TMOD2: variants seen among roughly 807,000 people sequenced by gnomAD.
TMOD2 encodes tropomodulin 2, also known as tropomodulin-2.
Under a neutral mutation model 39.9 loss-of-function variants are expected in TMOD2, and 22 were observed. That is an observed-to-expected ratio of 0.55 (90% CI 0.39 to 0.79). TMOD2 has a LOEUF of 0.79. Ranked by LOEUF, TMOD2 falls within the 30% of genes least tolerant of loss-of-function variation. The pLI, the probability that TMOD2 is intolerant of heterozygous loss-of-function variation, is 0.00. For missense variants in TMOD2, 386 were observed against 413.3 expected, an observed-to-expected ratio of 0.93 and a Z score of 0.57; for synonymous variants, 123 against 146.1, an observed-to-expected ratio of 0.84 and a Z score of 1.14.
At chr15:51,794,917 T>C (rs1305853386) in intron 7 of TMOD2, among the ~76,000 whole-genome samples, 2 of 152,224 alleles carry the variant, frequency 1.3e-5, no homozygotes, top group African/African-American at 4.8e-5. Flanking sequence ...TGTTTGTATA[T>C]AGATTGATTC....
At chr15:51,760,571 G>A (rs1308628904) in intron 1 of TMOD2, among the ~76,000 whole-genome samples, 1 of 152,222 alleles carries the variant, frequency 6.6e-6, no homozygotes, top group Non-Finnish European at 1.5e-5. Flanking sequence ...TTGGGAGGCC[G>A]AAGTGAGTGG....
At chr15:51,753,768 A>AAAAAGG (rs2055723447) in intron 1 of TMOD2, among the ~76,000 whole-genome samples, 1 of 152,104 alleles carries the variant, frequency 6.6e-6, no homozygotes, top group South Asian at 2.1e-4. Flanking sequence ...GAAAAAAAAA[A>AAAAAGG]AAAAGGATAG....
chr15:51,770,213 T>C (rs946313141), intron 3 of TMOD2, among the ~76,000 whole-genome samples: 5 of 152,114 alleles, frequency 3.3e-5, no homozygotes, highest in Non-Finnish European at 7.4e-5. Context: ...GTTCTTTTCC[T>C]CTCTCAGGCT....
chr15:51,792,387 A>G (rs913330725), intron 7 of TMOD2, among the ~76,000 whole-genome samples: 7 of 152,226 alleles, frequency 4.6e-5, no homozygotes, highest in African/African-American at 1.7e-4. Flanking sequence ...GGTTGTGGAA[A>G]AATAGGAATG....
Position 51,766,432 on chromosome 15 carries a change from A to C in TMOD2, c.-10A>C, listed in dbSNP as rs762594517. On this transcript the variant is annotated 5_prime_UTR_variant, in exon 2 of 10. Transcript: ENST00000249700. ...TGTGCATGGCCCATGAGAAAGGCTT[A>C]TAAGAAGCCATGGCACTCCCCTTTC... The C allele has an allele frequency of 1.2e-6, 2 of 1,613,398 alleles. No homozygotes were observed. Among genetic ancestry groups the C allele is most frequent in the Non-Finnish European group, 1.7e-6 (2 of 1,179,676 alleles).
At chr15:51,804,888 T>G (rs1478796367) in intron 8 of TMOD2, among the ~76,000 whole-genome samples, 4 of 151,736 alleles carry the variant, frequency 2.6e-5, no homozygotes, top group Non-Finnish European at 5.9e-5. Context: ...TTTTAAAATG[T>G]GATGACTGTG....
chr15:51,775,775 G>A (rs1771578014), intron 4 of TMOD2, among the ~76,000 whole-genome samples: 1 of 151,674 alleles, frequency 6.6e-6, no homozygotes, highest in Non-Finnish European at 1.5e-5. Context: ...ACGGGGCTTC[G>A]CCATGTTGGC....
intron 1 of TMOD2, among the ~76,000 whole-genome samples, chr15:51,764,666 G>A (rs1396562538): frequency 6.6e-6 from 1 of 152,214 alleles, no homozygotes; most frequent in Non-Finnish European, 1.5e-5. Context: ...CTCGTCTTTA[G>A]TTCTTTCCTC....
chr15:51,798,732 T>C (rs1043319193), intron 8 of TMOD2, among the ~76,000 whole-genome samples: 13 of 152,362 alleles, frequency 8.5e-5, no homozygotes, highest in Non-Finnish European at 1.8e-4. Flanking sequence ...GGACTGTTGC[T>C]AACAGAGAAA....
intron 1 of TMOD2, among the ~76,000 whole-genome samples, chr15:51,763,106 T>A (rs34098740): frequency 0.41 from 61,498 of 150,094 alleles, 12,540 homozygotes; most frequent in Middle Eastern, 0.45. Context: ...AGCTAATTTT[T>A]AAAAAAAAAA....
chr15:51,787,529 T>C (rs1050271993), intron 7 of TMOD2, among the ~76,000 whole-genome samples: 1 of 152,254 alleles, frequency 6.6e-6, no homozygotes, highest in Non-Finnish European at 1.5e-5. Context: ...CGAGCTCCGA[T>C]AACGGACAGA....
At chr15:51,774,709 G>C (rs551558245) in intron 4 of TMOD2, among the ~76,000 whole-genome samples, 1 of 152,040 alleles carries the variant, frequency 6.6e-6, no homozygotes, top group Non-Finnish European at 1.5e-5. Context: ...AGGCGATGGC[G>C]TCACCTGGTA....
At chr15:51,753,588 A>G (rs1425459728) in intron 1 of TMOD2, among the ~76,000 whole-genome samples, 3 of 151,946 alleles carry the variant, frequency 2.0e-5, no homozygotes, top group Non-Finnish European at 4.4e-5. Flanking sequence ...ATAGTTGGGG[A>G]TGTTTGAATA....
chr15:51,788,998 C>G (rs918407106), intron 7 of TMOD2, among the ~76,000 whole-genome samples: 2 of 152,200 alleles, frequency 1.3e-5, no homozygotes, highest in East Asian at 3.8e-4. Context: ...GGATCAAATT[C>G]ACATATAACA....
chr15:51,754,594 A>G (rs866945413), intron 1 of TMOD2, among the ~76,000 whole-genome samples: 2 of 152,352 alleles, frequency 1.3e-5, no homozygotes, highest in African/African-American at 4.8e-5. Flanking sequence ...AATTTAAAGT[A>G]TACATATTTA....
intron 7 of TMOD2, among the ~76,000 whole-genome samples, chr15:51,785,556 G>T (rs1332388901): frequency 6.6e-6 from 1 of 151,704 alleles, no homozygotes; most frequent in Non-Finnish European, 1.5e-5. Flanking sequence ...TGTGTTAAGT[G>T]AAACAAGCCA....
At chr15:51,798,968 C>T (rs754367513) in intron 8 of TMOD2, among the ~76,000 whole-genome samples, 15 of 152,204 alleles carry the variant, frequency 9.9e-5, no homozygotes, top group Non-Finnish European at 1.8e-4. Context: ...TCTCAGGTTC[C>T]CGTCTGCAGC....
At chr15:51,762,506 T>G (rs2055788213) in intron 1 of TMOD2, among the ~76,000 whole-genome samples, 1 of 152,210 alleles carries the variant, frequency 6.6e-6, no homozygotes, top group African/African-American at 2.4e-5. Flanking sequence ...TGTTTTCGAC[T>G]TCCACATAGG....
At chr15:51,794,183 A>G (rs981902058) in intron 7 of TMOD2, among the ~76,000 whole-genome samples, 3 of 152,170 alleles carry the variant, frequency 2.0e-5, no homozygotes, top group Admixed American at 6.5e-5. Context: ...CAGAGATACT[A>G]CTAAATATCC....
Sources: gnomAD v4.1 joint callset for allele counts (sites outside exome capture counted in the v4.1 genomes callset) on GRCh38, gnomAD v4.1.1 for gene constraint, MANE v1.5 for transcripts, NCBI Gene and HGNC (gene_info 2026-07-23, HGNC 2026-07-21) for gene names.